Variants in KCTD16 observed in about 807,000 individuals in gnomAD.
The protein encoded by KCTD16 is potassium channel tetramerization domain containing 16.
A neutral mutation model predicts 33.2 loss-of-function variants in KCTD16; 13 were observed. That is an observed-to-expected ratio of 0.39 (90% CI 0.25 to 0.62). The LOEUF (loss-of-function observed/expected upper bound fraction) is 0.62. Among genes scored for constraint, KCTD16 ranks in the 20% least tolerant of loss-of-function variants. KCTD16 has a pLI of 0.50. For missense variants in KCTD16, 441 were observed against 525.1 expected (o/e 0.84, Z 1.57); for synonymous variants, 197 against 195.3 (o/e 1.01, Z -0.07).
At chr5:144,450,898 A>C (rs1235390138) in intron 3 of KCTD16, among the ~76,000 whole-genome samples, 1 of 152,138 alleles carries the variant, frequency 6.6e-6, no homozygotes, top group Admixed American at 6.6e-5. Flanking sequence ...TATAATTACC[A>C]ATATGGTATT....
chr5:144,333,006 T>C (rs73295875), intron 3 of KCTD16, among the ~76,000 whole-genome samples: 12,600 of 152,194 alleles, frequency 0.083, 1,266 homozygotes, highest in African/African-American at 0.23. Flanking sequence ...GGGAAAGACA[T>C]GCCACCATGA....
intron 3 of KCTD16, among the ~76,000 whole-genome samples, chr5:144,241,790 A>G (rs1006001017): frequency 2.8e-4 from 43 of 152,314 alleles, no homozygotes; most frequent in African/African-American, 1.0e-3. Context: ...ATGTTCTTTC[A>G]AGTATGATTG....
intron 2 of KCTD16, among the ~76,000 whole-genome samples, chr5:144,181,176 G>T (rs886597816): frequency 4.7e-5 from 7 of 149,656 alleles, no homozygotes; most frequent in Non-Finnish European, 8.9e-5. Flanking sequence ...CTCATGATCC[G>T]CCCGCCTCTG....
intron 3 of KCTD16, among the ~76,000 whole-genome samples, chr5:144,249,027 A>G (rs1240481785): frequency 6.6e-6 from 1 of 152,140 alleles, no homozygotes; most frequent in African/African-American, 2.4e-5. Flanking sequence ...CCTTAAAGCT[A>G]TCCAATGGCT....
intron 3 of KCTD16, among the ~76,000 whole-genome samples, chr5:144,457,119 A>G (rs1040553158): frequency 6.6e-6 from 1 of 152,248 alleles, no homozygotes; most frequent in African/African-American, 2.4e-5. Context: ...ACGCACACTT[A>G]TCAAATCTGT....
intron 3 of KCTD16, among the ~76,000 whole-genome samples, chr5:144,225,004 A>T (rs1318292269): frequency 2.0e-5 from 3 of 152,198 alleles, no homozygotes; most frequent in African/African-American, 7.2e-5. Flanking sequence ...GAATGGGGGT[A>T]AGGATAGACC....
At chr5:144,359,475 T>G (rs796357777) in intron 3 of KCTD16, among the ~76,000 whole-genome samples, 8 of 152,250 alleles carry the variant, frequency 5.3e-5, no homozygotes, top group African/African-American at 1.7e-4. Flanking sequence ...TGCCATTGCT[T>G]CTTATTATAC....
At chr5:144,183,625 G>A (rs568489105) in intron 2 of KCTD16, among the ~76,000 whole-genome samples, 6 of 152,092 alleles carry the variant, frequency 3.9e-5, no homozygotes, top group African/African-American at 7.2e-5. Flanking sequence ...GAAAACTCGC[G>A]GGACTAGTCT....
intron 3 of KCTD16, among the ~76,000 whole-genome samples, chr5:144,225,138 T>A (rs1001671994): frequency 6.6e-6 from 1 of 152,166 alleles, no homozygotes; most frequent in Non-Finnish European, 1.5e-5. Flanking sequence ...ACAGAGCTAT[T>A]CAAGGGAGCC....
chr5:144,298,251 C>A (rs755050276), intron 3 of KCTD16, among the ~76,000 whole-genome samples: 8 of 152,212 alleles, frequency 5.3e-5, no homozygotes, highest in African/African-American at 9.6e-5. Flanking sequence ...GAACACGAGG[C>A]TTGCGACCAT....
intron 3 of KCTD16, among the ~76,000 whole-genome samples, chr5:144,446,197 G>A (rs928922053): frequency 6.6e-6 from 1 of 151,446 alleles, no homozygotes; most frequent in Non-Finnish European, 1.5e-5. Context: ...TTTAAATGTG[G>A]GTATTTGAAG....
intron 3 of KCTD16, among the ~76,000 whole-genome samples, chr5:144,396,524 G>C (rs1752570508): frequency 6.6e-6 from 1 of 152,080 alleles, no homozygotes; most frequent in South Asian, 2.1e-4. Context: ...GAAAACTATT[G>C]GTGGACTAAA....
chr5:144,287,677 C>T (rs1755782937), intron 3 of KCTD16, among the ~76,000 whole-genome samples: 1 of 152,036 alleles, frequency 6.6e-6, no homozygotes, highest in African/African-American at 2.4e-5. Flanking sequence ...ACTCTTTTCG[C>T]CCAGGCTGGA....
chr5:144,390,410 G>T (rs1752421855), intron 3 of KCTD16, among the ~76,000 whole-genome samples: 1 of 152,174 alleles, frequency 6.6e-6, no homozygotes, highest in Non-Finnish European at 1.5e-5. Flanking sequence ...CACAACTGTT[G>T]GAAGGTTGTG....
At chr5:144,224,383 G>GTTTTTT (rs530446253) in intron 3 of KCTD16, among the ~76,000 whole-genome samples, 49 of 100,274 alleles carry the variant, frequency 4.9e-4, no homozygotes, top group Middle Eastern at 9.1e-3. Context: ...AATATAATGT[G>GTTTTTT]TTTTTTTTTT....
intron 3 of KCTD16, among the ~76,000 whole-genome samples, chr5:144,273,095 C>A (rs1328462080): frequency 6.6e-6 from 1 of 151,932 alleles, no homozygotes; most frequent in East Asian, 1.9e-4. Flanking sequence ...ATTAATATTC[C>A]AGATATATAG....
intron 3 of KCTD16, among the ~76,000 whole-genome samples, chr5:144,423,946 A>G (rs906180519): frequency 3.7e-4 from 56 of 152,310 alleles, no homozygotes; most frequent in Non-Finnish European, 3.4e-4. Flanking sequence ...CTGAAAAAAA[A>G]GATCCGTGCA....
intron 3 of KCTD16, among the ~76,000 whole-genome samples, chr5:144,255,794 T>A (rs1169102917): frequency 6.6e-6 from 1 of 152,214 alleles, no homozygotes; most frequent in Non-Finnish European, 1.5e-5. Context: ...TGTAAAACTA[T>A]CAGCATTTAA....
rs367796082 is a variant in KCTD16, at chr5:144,398,708, ACTCTCT to A, written c.833-74933_833-74928del. On this transcript the variant is annotated intron_variant, in intron 3 of 3. Coordinates refer to ENST00000512467, the MANE Select transcript of KCTD16 (RefSeq NM_020768.4). ...CTTTGAATATATTACACACACACAC[ACTCTCT>A]CTCTCTCTCTCTCTCTCTTATATAA... Among the ~76,000 whole-genome samples, 674 of 145,528 alleles carry A rather than the reference ACTCTCT, an allele frequency of 4.6e-3. 1 individual carries two copies. Among genetic ancestry groups the A allele is most frequent in the Middle Eastern group, 0.017 (5 of 286 alleles).
Sources: allele counts gnomAD v4.1 joint callset (sites outside exome capture counted in the v4.1 genomes callset), GRCh38; gene constraint gnomAD v4.1.1; transcripts MANE v1.5; gene names NCBI Gene and HGNC (gene_info 2026-07-23, HGNC 2026-07-21).